Variants in PTPRN2 observed in about 807,000 individuals in gnomAD.
The protein encoded by PTPRN2 is receptor-type tyrosine-protein phosphatase N2.
A neutral mutation model predicts 118.8 loss-of-function variants in PTPRN2; 74 were observed. The observed-to-expected ratio is 0.62, with a 90% confidence interval of 0.52 to 0.76. The LOEUF is 0.76. PTPRN2 is among the 30% of genes least tolerant of loss of function. The pLI, the probability that PTPRN2 is intolerant of heterozygous loss-of-function variation, is 0.00. For synonymous variants in PTPRN2, 641 were observed against 608.0 expected (o/e 1.05, Z -0.80); for missense variants, 1,481 against 1,394.4 (o/e 1.06, Z -0.99).
At chr7:157,806,856 C>T (rs1805667749) in intron 12 of PTPRN2, among the ~76,000 whole-genome samples, 1 of 152,218 alleles carries the variant, frequency 6.6e-6, no homozygotes, top group African/African-American at 2.4e-5. Context: ...TGGCATGGGC[C>T]CAGCTTCCCG....
intron 12 of PTPRN2, among the ~76,000 whole-genome samples, chr7:157,746,548 A>G (rs1294181207): frequency 6.9e-6 from 1 of 145,006 alleles, no homozygotes; most frequent in South Asian, 2.3e-4. Context: ...GGGACTCCCT[A>G]CACCCCACAG....
At chr7:158,573,899 C>T (rs758852826) in intron 1 of PTPRN2, among the ~76,000 whole-genome samples, 1 of 152,094 alleles carries the variant, frequency 6.6e-6, no homozygotes, top group African/African-American at 2.4e-5. Context: ...TTTCCATGGG[C>T]CTGTGAAGAG....
intron 12 of PTPRN2, among the ~76,000 whole-genome samples, chr7:157,789,943 G>GGT: frequency 6.7e-6 from 1 of 150,328 alleles, no homozygotes; most frequent in Non-Finnish European, 1.5e-5. Flanking sequence ...TATGGTATGT[G>GGT]GTGTGTGTGT....
chr7:158,012,107 T>G (rs898294009), intron 11 of PTPRN2, among the ~76,000 whole-genome samples: 2 of 152,212 alleles, frequency 1.3e-5, no homozygotes, highest in Non-Finnish European at 2.9e-5. Context: ...GTTGGATAAC[T>G]GCTCCCTCCC....
chr7:158,467,336 C>G (rs1413415151), intron 2 of PTPRN2, among the ~76,000 whole-genome samples: 1 of 151,734 alleles, frequency 6.6e-6, no homozygotes, highest in African/African-American at 2.4e-5. Flanking sequence ...TGAGTGAGTT[C>G]CTTATATATT....
intron 5 of PTPRN2, among the ~76,000 whole-genome samples, chr7:158,173,549 G>T (rs1402980937): frequency 6.6e-6 from 1 of 152,164 alleles, no homozygotes; most frequent in African/African-American, 2.4e-5. Context: ...GTCCCACTGG[G>T]CATGCATTGT....
chr7:157,677,122 G>A (rs1407770269), intron 13 of PTPRN2, among the ~76,000 whole-genome samples: 1 of 152,136 alleles, frequency 6.6e-6, no homozygotes. Flanking sequence ...CTCCTTGTGT[G>A]TAGCAGGAAG....
chr7:157,896,086 G>A (rs982327448), intron 12 of PTPRN2, among the ~76,000 whole-genome samples: 1 of 151,720 alleles, frequency 6.6e-6, no homozygotes, highest in African/African-American at 2.4e-5. Flanking sequence ...GGGAGGACGG[G>A]AGGAGCTGGG....
In PTPRN2 at chr7:157,881,539, C is replaced by A. The variant is rs550451285; in HGVS notation, c.1788+17134G>T. On this transcript the variant is annotated intron_variant, in intron 12 of 22. Coordinates refer to ENST00000389418, the MANE Select transcript of PTPRN2 (RefSeq NM_002847.5). The surrounding 1 kb of genome is among the most constrained non-coding windows in gnomAD (Gnocchi z 4.7). The stretch of plus-strand genomic sequence containing the variant: ...ACTCTGCAGTATTCTGTTGTGGCAG[C>A]CAGAGAGGACGCACATGGTCAACAT... Among the ~76,000 whole-genome samples, 83 of 152,188 alleles carry A rather than the reference C, an allele frequency of 5.5e-4. 2 individuals carry two copies. The South Asian group carries it at 0.017, about 30-fold the overall frequency.
At chr7:158,041,455 T>C (rs915109826) in intron 11 of PTPRN2, among the ~76,000 whole-genome samples, 1 of 152,104 alleles carries the variant, frequency 6.6e-6, no homozygotes, top group African/African-American at 2.4e-5. Context: ...CTGGCCAACA[T>C]GGTGAAACCC....
chr7:158,062,063 C>T (rs556976542), intron 11 of PTPRN2, among the ~76,000 whole-genome samples: 12 of 152,366 alleles, frequency 7.9e-5, no homozygotes, highest in South Asian at 4.1e-4. Context: ...CACCTTGGTG[C>T]GGAAGCCCAG....
intron 11 of PTPRN2, among the ~76,000 whole-genome samples, chr7:157,914,011 C>T (rs1798239260): frequency 6.6e-6 from 1 of 152,186 alleles, no homozygotes; most frequent in Non-Finnish European, 1.5e-5. Context: ...GTTTTTCATT[C>T]TGGTATTTTG....
rs111813113 is a variant in PTPRN2 at position 157,672,959 on chromosome 7, T to C, written c.2001+9766A>G. ...ACTCAATTCTGGGGCTGCATTATTA[T>C]CCTGTACATTAAAAAATCTTGAAAG... On this transcript the variant is annotated intron_variant, in intron 13 of 22. Transcript: ENST00000389418. Among the ~76,000 whole-genome samples the C allele has an allele frequency of 2.1e-4, 32 of 152,336 alleles. 1 individual carries two copies. The highest frequency in any genetic ancestry group is 7.7e-4 in the African/African-American group (32 of 41,572).
intron 6 of PTPRN2, among the ~76,000 whole-genome samples, chr7:158,146,511 G>T (rs1041194039): frequency 5.3e-5 from 8 of 152,036 alleles, no homozygotes; most frequent in African/African-American, 1.9e-4. Context: ...CACGAGGTCA[G>T]GAGATCAAGA....
At chr7:158,408,025 C>T (rs540964696) in intron 2 of PTPRN2, among the ~76,000 whole-genome samples, 15 of 152,258 alleles carry the variant, frequency 9.9e-5, no homozygotes, top group African/African-American at 3.4e-4. Flanking sequence ...CCTTAAAGTC[C>T]CTCTTCATCT....
chr7:158,168,285 C>T (rs1360006930), intron 5 of PTPRN2, among the ~76,000 whole-genome samples: 1 of 152,220 alleles, frequency 6.6e-6, no homozygotes, highest in Non-Finnish European at 1.5e-5. Flanking sequence ...AACTAAAGGT[C>T]CTTTGCACGG....
intron 2 of PTPRN2, among the ~76,000 whole-genome samples, chr7:158,433,870 G>T (rs1370072874): frequency 6.6e-6 from 1 of 151,938 alleles, no homozygotes; most frequent in South Asian, 2.1e-4. Context: ...TCCCAAAATT[G>T]TTTAATATTG....
chr7:158,240,302 A>G (rs575056317), intron 3 of PTPRN2, among the ~76,000 whole-genome samples: 1 of 152,344 alleles, frequency 6.6e-6, no homozygotes, highest in African/African-American at 2.4e-5. Context: ...CTAGCACATT[A>G]GTCTTTTAAA....
chr7:157,811,332 TTATATATATATATA>T, intron 12 of PTPRN2, among the ~76,000 whole-genome samples: 1 of 131,290 alleles, frequency 7.6e-6, no homozygotes, highest in African/African-American at 2.8e-5. Context: ...ATCTACTCTA[TTATATATATATATA>T]TATATATATA....
Sources: gnomAD v4.1 joint callset for allele counts (sites outside exome capture counted in the v4.1 genomes callset) on GRCh38, gnomAD v4.1.1 for gene constraint, Gnocchi (gnomAD v3.1) non-coding constraint, MANE v1.5 for transcripts, NCBI Gene and HGNC (gene_info 2026-07-23, HGNC 2026-07-21) for gene names.